Variants in LIN54 observed in about 807,000 individuals in gnomAD.
The protein encoded by LIN54 is protein lin-54 homolog.
A neutral mutation model predicts 78.7 loss-of-function variants in LIN54; 9 were observed. The observed-to-expected ratio is 0.11, with a 90% CI of 0.07 to 0.20. LIN54 has a LOEUF of 0.20. Among genes scored for constraint, LIN54 ranks in the 10% least tolerant of loss-of-function variants. The pLI, the probability that LIN54 is intolerant of heterozygous loss-of-function variation, is 1.00. For synonymous variants in LIN54, 269 were observed against 318.4 expected (o/e 0.84, Z 1.65); for missense variants, 573 against 889.9 (o/e 0.64, Z 4.53).
At chr4:82,972,948 TAA>T (rs35025108) in intron 3 of LIN54, among the ~76,000 whole-genome samples, 14 of 59,378 alleles carry the variant, frequency 2.4e-4, no homozygotes, top group East Asian at 5.2e-4. Flanking sequence ...AGAATCCCTC[TAA>T]AAAAAAAAAA....
intron 11 of LIN54, among the ~76,000 whole-genome samples, chr4:82,935,577 C>T (rs967376247): frequency 6.6e-6 from 1 of 151,978 alleles, no homozygotes; most frequent in East Asian, 1.9e-4. Flanking sequence ...TGTGAGCCAC[C>T]GCACCCGGCC....
At chr4:82,949,263 A>G (rs959344953) in intron 4 of LIN54, among the ~76,000 whole-genome samples, 10 of 152,188 alleles carry the variant, frequency 6.6e-5, no homozygotes, top group African/African-American at 2.4e-4. Flanking sequence ...CCTGATGATT[A>G]ATGATGTTGA....
chr4:82,973,985 TG>T (rs1228152787), intron 3 of LIN54, among the ~76,000 whole-genome samples: 1 of 150,554 alleles, frequency 6.6e-6, no homozygotes, highest in Non-Finnish European at 1.5e-5. Context: ...ACAAGGAGGG[TG>T]GATCACGAGG....
At chr4:82,999,394 C>T (rs1206961378) in intron 1 of LIN54, among the ~76,000 whole-genome samples, 1 of 152,102 alleles carries the variant, frequency 6.6e-6, no homozygotes, top group Non-Finnish European at 1.5e-5. Flanking sequence ...TTTGTTAAGC[C>T]ATCACTGCAG....
At chr4:82,961,519 A>G (rs1001013782) in intron 4 of LIN54, among the ~76,000 whole-genome samples, 1 of 152,216 alleles carries the variant, frequency 6.6e-6, no homozygotes, top group African/African-American at 2.4e-5. Flanking sequence ...TTGCAAAAAT[A>G]AAGGCTGAAA....
In LIN54 at chr4:83,010,812, GCCA is replaced by G. The variant is rs1358431988; in HGVS notation, c.-364_-362del. On this transcript the variant is annotated 5_prime_UTR_variant, in exon 1 of 13. Transcript: ENST00000340417. ...CGGAGCCCGGGCCGCCGCCGCCGCC[GCCA>G]CCACCAGTAACCTCCCCCTTCCTCC... is the stretch of plus-strand genomic sequence containing the variant. The G allele has an allele frequency of 1.4e-5, 17 of 1,228,616 alleles. No homozygotes were observed. In the East Asian group the frequency reaches 4.2e-4, roughly 30 times the overall value. The allele number at this position is 1,228,616 out of a possible 1,614,324, so 76.1% of individuals were successfully genotyped here.
In LIN54 at chr4:82,984,463, G is replaced by C. The variant is rs756990407; in HGVS notation, c.382C>G (p.Leu128Val). The change falls in exon 2 of 13, where the codon CTT (leucine) becomes GTT (valine). Residue 128 changes from leucine to valine, a missense_variant. Coordinates refer to ENST00000340417, the MANE Select transcript of LIN54 (RefSeq NM_194282.4). ...NKVSQTSDLK[L>V]GNQTLKPDGQ... ...TCTGGTTTAAGGGTCTGATTGCCAA[G>C]TTTAAGATCAGATGTCTGTGATACT... is the stretch of plus-strand genomic sequence containing the variant. 3 of 1,614,188 alleles carry C rather than the reference G, an allele frequency of 1.9e-6. No individual in the cohort carries two copies. In the East Asian group the frequency reaches 6.7e-5, roughly 36 times the overall value.
Position 82,931,047 on chromosome 4 carries a change from A to G in LIN54, c.1944T>C (p.Ala648=), listed in dbSNP as rs1721906552. 1.9e-6 allele frequency: 3 copies of G among 1,614,082 alleles called. No individual in the cohort carries two copies. In the African/African-American group the frequency reaches 4.0e-5, roughly 22 times the overall value. The stretch of plus-strand genomic sequence containing the variant: ...CTGTTTGTTGCTGTACCCTTACTTC[A>G]GCTGCATCTGCCAAATGCATCAATG... ...RKTLMHLADA[A]EVRVQQQTAA... Residue 648 remains alanine (A), a synonymous_variant, in exon 12 of 13, where the codon GCT becomes GCC. Coordinates refer to ENST00000340417, the MANE Select transcript of LIN54 (RefSeq NM_194282.4).
chr4:82,947,235 A>ATATATTTTTTTTTTTTTTTTTT, intron 4 of LIN54, among the ~76,000 whole-genome samples: 1 of 44,292 alleles, frequency 2.3e-5, no homozygotes, highest in African/African-American at 1.0e-4. Flanking sequence ...ATATATATAT[A>ATATATTTTTTTTTTTTTTTTTT]TTTTTTTTTT....
intron 1 of LIN54, among the ~76,000 whole-genome samples, chr4:83,000,827 C>CTTTTTTTCTTTTTT (rs528409899): frequency 0.43 from 51,638 of 120,242 alleles, 14,528 homozygotes; most frequent in Admixed American, 0.61. Flanking sequence ...GCAATAAATT[C>CTTTTTTTCTTTTTT]TTTTTTTTTT....
intron 7 of LIN54, 68 bp downstream of exon 7, chr4:82,939,471 G>C (rs1482328163): frequency 7.7e-7 from 1 of 1,300,150 alleles, no homozygotes; most frequent in Non-Finnish European, 1.1e-6. Flanking sequence ...TAGCTTCTGT[G>C]ATAGCACTAG....
intron 3 of LIN54, among the ~76,000 whole-genome samples, chr4:82,972,598 A>G (rs10516682): frequency 0.18 from 28,060 of 152,144 alleles, 2,764 homozygotes; most frequent in South Asian, 0.32. Context: ...AAGAAAAGAA[A>G]TTACCAGTAA....
intron 1 of LIN54, among the ~76,000 whole-genome samples, chr4:83,006,363 C>G (rs183115114): frequency 1.1e-4 from 16 of 151,106 alleles, no homozygotes; most frequent in African/African-American, 3.4e-4. Context: ...GCAGGAGAAT[C>G]GCTTGGACCT....
intron 4 of LIN54, among the ~76,000 whole-genome samples, chr4:82,967,914 C>T (rs574118201): frequency 1.3e-4 from 20 of 152,276 alleles, no homozygotes; most frequent in Non-Finnish European, 2.9e-4. Context: ...TCTTCTCCAC[C>T]GCGAATCCCT....
At chr4:83,006,243 A>G (rs192108121) in intron 1 of LIN54, among the ~76,000 whole-genome samples, 83 of 152,186 alleles carry the variant, frequency 5.5e-4, no homozygotes, top group African/African-American at 1.9e-3. Flanking sequence ...AGGTCAGGAG[A>G]GCAGTATCAT....
At chr4:83,000,407 A>G (rs1728657010) in intron 1 of LIN54, among the ~76,000 whole-genome samples, 1 of 152,200 alleles carries the variant, frequency 6.6e-6, no homozygotes, top group South Asian at 2.1e-4. Flanking sequence ...GGGAAAGGAT[A>G]AACACCAGCT....
intron 4 of LIN54, among the ~76,000 whole-genome samples, chr4:82,968,427 A>G (rs1210988963): frequency 6.6e-6 from 1 of 152,110 alleles, no homozygotes; most frequent in Non-Finnish European, 1.5e-5. Context: ...AAATTAGTCC[A>G]TAGGGCTACC....
Position 82,985,633 on chromosome 4 carries a change from TG to T in LIN54, c.-32-758del, listed in dbSNP as rs1293322980. 3.3e-5 allele frequency among the ~76,000 whole-genome samples: 5 copies of T among 152,270 alleles called. No individual in the cohort carries two copies. The East Asian group carries it at 9.7e-4, about 30-fold the overall frequency. The stretch of plus-strand genomic sequence containing the variant: ...TCAGCTCACTGCAACCTCCGCTTCC[TG>T]GGTTCAAGCAATTCTCCTGCCTCAG... On this transcript the variant is annotated intron_variant, in intron 1 of 12. Coordinates refer to ENST00000340417, the MANE Select transcript of LIN54 (RefSeq NM_194282.4).
intron 5 of LIN54, among the ~76,000 whole-genome samples, chr4:82,945,640 C>T (rs1182156148): frequency 6.6e-6 from 1 of 152,020 alleles, no homozygotes; most frequent in Admixed American, 6.6e-5. Flanking sequence ...ACTACAGGCA[C>T]ACACCACCAC....
Sources: allele counts gnomAD v4.1 joint callset (sites outside exome capture counted in the v4.1 genomes callset), GRCh38; gene constraint gnomAD v4.1.1; transcripts MANE v1.5; gene names NCBI Gene and HGNC (gene_info 2026-07-23, HGNC 2026-07-21).